TSHZ1: variants seen among roughly 807,000 people sequenced by gnomAD.
TSHZ1 encodes the protein teashirt zinc finger homeobox 1, also known as teashirt homolog 1.
In TSHZ1, 12 loss-of-function variants were observed where a neutral mutation model predicts 67.1. That is an observed-to-expected ratio of 0.18 (90% CI 0.11 to 0.29). The LOEUF is 0.29. Among genes scored for constraint, TSHZ1 ranks in the 10% least tolerant of loss-of-function variants. The probability of loss-of-function intolerance (pLI) is 1.00; values close to 1 mark genes in which losing one functional copy is unlikely to be tolerated. For synonymous variants in TSHZ1, 632 were observed against 622.4 expected (o/e 1.02, Z -0.23); for missense variants, 1,305 against 1,413.9 (o/e 0.92, Z 1.23).
intron 1 of TSHZ1, among the ~76,000 whole-genome samples, chr18:75,276,918 G>A (rs2023619803): frequency 6.6e-6 from 1 of 152,220 alleles, no homozygotes; most frequent in African/African-American, 2.4e-5. Flanking sequence ...ATGAGGAAAA[G>A]AGAGCTTGGG....
chr18:75,227,199 C>T (rs183732248), intron 1 of TSHZ1, among the ~76,000 whole-genome samples: 1 of 152,170 alleles, frequency 6.6e-6, no homozygotes, highest in East Asian at 1.9e-4. Context: ...TTCATAGGTC[C>T]CCCACTCCTG....
At chr18:75,216,813 G>A (rs2022774726) in intron 1 of TSHZ1, among the ~76,000 whole-genome samples, 2 of 152,128 alleles carry the variant, frequency 1.3e-5, no homozygotes, top group South Asian at 4.1e-4. Context: ...GCCTGGGTGG[G>A]AAGGAGGAAG....
At chr18:75,231,386 T>C (rs1315364400) in intron 1 of TSHZ1, among the ~76,000 whole-genome samples, 1 of 152,240 alleles carries the variant, frequency 6.6e-6, no homozygotes, top group Non-Finnish European at 1.5e-5. Flanking sequence ...TTCTCTGGCC[T>C]GGGGCTTCTC....
chr18:75,243,408 G>A (rs758721698), intron 1 of TSHZ1, among the ~76,000 whole-genome samples: 7 of 152,080 alleles, frequency 4.6e-5, no homozygotes, highest in Admixed American at 3.3e-4. Flanking sequence ...AAAAAGACGC[G>A]TGTGTATACC....
intron 1 of TSHZ1, among the ~76,000 whole-genome samples, chr18:75,223,543 T>C (rs1277020242): frequency 6.6e-6 from 1 of 152,086 alleles, no homozygotes; most frequent in Non-Finnish European, 1.5e-5. Flanking sequence ...AGACAGTTGC[T>C]TTCCTGGCCT....
chr18:75,243,381 T>C (rs1017068206), intron 1 of TSHZ1, among the ~76,000 whole-genome samples: 2 of 152,182 alleles, frequency 1.3e-5, no homozygotes, highest in Non-Finnish European at 2.9e-5. Flanking sequence ...TCAGTGAGCT[T>C]GCAAGTCTTG....
At position 75,256,838 on chromosome 18, in the gene TSHZ1, A is replaced by G. The variant is rs531216681; in HGVS notation, c.41-28610A>G. On this transcript the variant is annotated intron_variant, in intron 1 of 1. Coordinates refer to ENST00000580243, the MANE Select transcript of TSHZ1 (RefSeq NM_001308210.2). ...CGATGATGTGCATTTTACCTGTTCC[A>G]CACCCGAATACAACCTCGGATAGTT... Among the ~76,000 whole-genome samples, 4 of 152,348 alleles carry G rather than the reference A, an allele frequency of 2.6e-5. No homozygotes were observed. The South Asian group carries it at 8.3e-4, about 32-fold the overall frequency.
At chr18:75,265,887 G>A (rs376124756) in intron 1 of TSHZ1, among the ~76,000 whole-genome samples, 44 of 152,244 alleles carry the variant, frequency 2.9e-4, no homozygotes, top group African/African-American at 1.0e-3. Context: ...CACTTTTCTA[G>A]GATTGCTTAA....
intron 1 of TSHZ1, among the ~76,000 whole-genome samples, chr18:75,275,487 A>C (rs2023604644): frequency 6.6e-6 from 1 of 152,170 alleles, no homozygotes; most frequent in South Asian, 2.1e-4. Flanking sequence ...AATCTGCGTT[A>C]CGTTTCTTTA....
At chr18:75,227,929 C>T (rs979057569) in intron 1 of TSHZ1, among the ~76,000 whole-genome samples, 7 of 152,224 alleles carry the variant, frequency 4.6e-5, no homozygotes, top group Admixed American at 2.0e-4. Flanking sequence ...AAGACAGTCA[C>T]GTTCCCCATT....
intron 1 of TSHZ1, among the ~76,000 whole-genome samples, chr18:75,238,671 T>G (rs1170971260): frequency 1.3e-5 from 2 of 151,080 alleles, no homozygotes; most frequent in Non-Finnish European, 2.9e-5. Context: ...GGGAGGGGAG[T>G]GTCTTCTTAA....
chr18:75,257,800 C>T (rs1013254702), intron 1 of TSHZ1, among the ~76,000 whole-genome samples: 2 of 152,170 alleles, frequency 1.3e-5, no homozygotes, highest in Non-Finnish European at 2.9e-5. Context: ...CACATGTTCC[C>T]GTGGTAACAG....
At chr18:75,212,906 G>C (rs2022717859) in intron 1 of TSHZ1, among the ~76,000 whole-genome samples, 1 of 152,232 alleles carries the variant, frequency 6.6e-6, no homozygotes. Flanking sequence ...CATTGCGTTT[G>C]TGGGGCTGAG....
At chr18:75,278,213 G>T (rs2023638439) in intron 1 of TSHZ1, among the ~76,000 whole-genome samples, 1 of 150,878 alleles carries the variant, frequency 6.6e-6, no homozygotes, top group African/African-American at 2.4e-5. Context: ...ACACATCCAG[G>T]GTGGATTAGT....
rs763038442 is a variant in TSHZ1 at position 75,287,117 on chromosome 18, G to A, written c.1710G>A (p.Ala570=). Residue 570 remains alanine, a synonymous_variant, in exon 2 of 2, where the codon GCG becomes GCA. Coordinates refer to ENST00000580243, the MANE Select transcript of TSHZ1 (RefSeq NM_001308210.2). This position sits in a 1 kb window ranked among gnomAD's most constrained non-coding sequence, Gnocchi z 5.0. The part of the protein sequence containing the change: ...STAISKAQNG[A]PSWGGYPSIH... ...CCATTAGCAAAGCTCAGAATGGTGC[G>A]CCCTCATGGGGTGGCTACCCCAGCA... The A allele has an allele frequency of 8.1e-6, 13 of 1,613,968 alleles. 1 individual carries two copies. In the Middle Eastern group the frequency reaches 4.9e-4, roughly 61 times the overall value.
chr18:75,246,403 GGTGTGTGTGTGTGTGTGT>G (rs74178999), intron 1 of TSHZ1, among the ~76,000 whole-genome samples: 88 of 108,430 alleles, frequency 8.1e-4, no homozygotes, highest in African/African-American at 3.1e-3. Flanking sequence ...TTTGGTTTCT[GGTGTGTGTGTGTGTGTGT>G]GTGTGTGTGT....
At chr18:75,237,866 G>A (rs1040820678) in intron 1 of TSHZ1, among the ~76,000 whole-genome samples, 31 of 151,886 alleles carry the variant, frequency 2.0e-4, no homozygotes, top group Non-Finnish European at 2.9e-5. Flanking sequence ...AGGCTGGAGT[G>A]CAGTGGCGTG....
Position 75,286,814 on chromosome 18 carries a change from A to T in TSHZ1, c.1407A>T (p.Pro469=), listed in dbSNP as rs778753128. ...PVVEEKIQSI[P]LPPTTHTRLP... is the part of the protein sequence containing the mutation. ...TGGAAGAGAAGATCCAGTCCATCCC[A>T]CTACCGCCCACCACCCACACGCGGC... The change falls in exon 2 of 2, where the codon CCA becomes CCT. Residue 469 remains proline (P), a synonymous_variant. Coordinates refer to ENST00000580243, the MANE Select transcript of TSHZ1 (RefSeq NM_001308210.2). This position sits in a 1 kb window ranked among gnomAD's most constrained non-coding sequence, Gnocchi z 5.1. 9.9e-6 allele frequency: 16 copies of T among 1,613,828 alleles called. No homozygotes were observed. The highest frequency in any genetic ancestry group is 1.4e-5 in the Non-Finnish European group (16 of 1,180,014).
intron 1 of TSHZ1, among the ~76,000 whole-genome samples, chr18:75,279,515 T>C (rs1201490092): frequency 1.3e-5 from 2 of 152,058 alleles, no homozygotes; most frequent in East Asian, 3.9e-4. Context: ...GCCCCTCCCA[T>C]GGGAAGGCTG....
Sources: allele counts gnomAD v4.1 joint callset (sites outside exome capture counted in the v4.1 genomes callset), GRCh38; gene constraint gnomAD v4.1.1; non-coding constraint Gnocchi (gnomAD v3.1); transcripts MANE v1.5; gene names NCBI Gene and HGNC (gene_info 2026-07-23, HGNC 2026-07-21).